The following CD86 variants were observed in gnomAD, a reference collection of about 807,000 sequenced individuals.
The protein encoded by CD86 is CD86 molecule.
Under a neutral mutation model 32.1 loss-of-function variants are expected in CD86, and 11 were observed. The observed-to-expected ratio is 0.34, with a 90% confidence interval of 0.22 to 0.57. CD86 has a LOEUF of 0.57. Ranked by LOEUF, CD86 falls within the 20% of genes least tolerant of loss-of-function variation. The pLI, the probability that CD86 is intolerant of heterozygous loss-of-function variation, is 0.86. For synonymous variants in CD86, 137 were observed against 135.3 expected, an observed-to-expected ratio of 1.01 and a Z score of -0.09; for missense variants, 359 against 398.4, an observed-to-expected ratio of 0.90 and a Z score of 0.84.
intron 2 of CD86, among the ~76,000 whole-genome samples, chr3:122,098,479 A>C (rs1426157083): frequency 1.3e-5 from 2 of 152,022 alleles, no homozygotes; most frequent in Admixed American, 1.3e-4. Context: ...GGTACTGGGG[A>C]CCCAATTACA....
intron 1 of CD86, among the ~76,000 whole-genome samples, chr3:122,090,599 T>TTCTCATGTTGGTC (rs11272713): frequency 0.02 from 3,072 of 152,244 alleles, 113 homozygotes; most frequent in African/African-American, 0.069. Context: ...TTCCACCTGT[T>TTCTCATGTTGGTC]TCTCATGTTG....
chr3:122,077,034 C>G (rs2072565212), intron 1 of CD86, among the ~76,000 whole-genome samples: 1 of 152,136 alleles, frequency 6.6e-6, no homozygotes, highest in Non-Finnish European at 1.5e-5. Flanking sequence ...TTAATGTCTC[C>G]TGCTTCACAG....
chr3:122,055,579 G>C, intron 1 of CD86, 76 bp downstream of exon 1: 1 of 1,312,796 alleles, frequency 7.6e-7, no homozygotes, highest in Non-Finnish European at 1.1e-6. Flanking sequence ...TGAAGATGGT[G>C]CTTTGATGTG....
chr3:122,062,192 T>C (rs2072348554), intron 1 of CD86, among the ~76,000 whole-genome samples: 1 of 152,158 alleles, frequency 6.6e-6, no homozygotes, highest in African/African-American at 2.4e-5. Context: ...ACAATTTATA[T>C]GGATTTTGGG....
Position 122,091,538 on chromosome 3 carries a change from G to C in CD86, c.15-63G>C. 2.3e-6 allele frequency: 3 copies of C among 1,321,908 alleles called. No homozygotes were observed. In the South Asian group the frequency reaches 3.5e-5, roughly 16 times the overall value. The allele number at this position is 1,321,908 out of a possible 1,614,324, so 81.9% of individuals were successfully genotyped here. A position where few individuals can be genotyped will look rare whatever the true frequency, so the allele number is the denominator to read the frequency against. ...AACTCCACGTCCAGGTCATGTTTTG[G>C]TGAACATCGGTTTTCAGTTTCCTTT... On this transcript the variant is annotated intron_variant, in intron 1 of 6. Transcript: ENST00000330540.
chr3:122,109,605 A>G (rs1307756697), intron 5 of CD86, among the ~76,000 whole-genome samples, 197 bp downstream of exon 5: 2 of 152,250 alleles, frequency 1.3e-5, no homozygotes, highest in Non-Finnish European at 2.9e-5. Context: ...GACTTCAAAG[A>G]AAGGCGACAT....
rs920408029 is a variant in CD86, at chr3:122,119,686, C to T, written c.*152C>T. 9.9e-6 allele frequency: 6 copies of T among 607,708 alleles called. No individual in the cohort carries two copies. The highest frequency in any genetic ancestry group is 2.9e-5 in the East Asian group (1 of 34,968). The allele number at this position is 607,708 out of a possible 1,614,324, so 37.6% of individuals were successfully genotyped here. A position where few individuals can be genotyped will look rare whatever the true frequency, so the allele number is the denominator to read the frequency against. On this transcript the variant is annotated 3_prime_UTR_variant, in exon 7 of 7. Transcript: ENST00000330540. ...ACTCCCTCTAAGTGGAATAGCCTCCCTGTAACTCCAGCTCTGCTCCGTATG... is the reference window on the plus strand; with the variant it reads ...ACTCCCTCTAAGTGGAATAGCCTCCTTGTAACTCCAGCTCTGCTCCGTATG...
chr3:122,073,003 C>G (rs1333335495), intron 1 of CD86, among the ~76,000 whole-genome samples: 1 of 151,802 alleles, frequency 6.6e-6, no homozygotes, highest in Non-Finnish European at 1.5e-5. Context: ...TTCCCCATTG[C>G]TTGTTTTTCT....
At chr3:122,055,565 A>G (rs2072221282) in intron 1 of CD86, 62 bp downstream of exon 1, 1 of 1,484,990 alleles carries the variant, frequency 6.7e-7, no homozygotes, top group East Asian at 2.3e-5. Context: ...TGAAAGGCTG[A>G]GGTTGAAGAT....
rs541158845 is a variant in CD86 at position 122,120,260 on chromosome 3, C to T, written c.*726C>T. The T allele has an allele frequency of 2.6e-5, 4 of 152,246 alleles. No homozygotes were observed. The South Asian group carries it at 6.3e-4, about 24-fold the overall frequency. 9.4% of individuals were successfully genotyped at this position (152,246 alleles called of 1,614,324 possible). ...CTAATATTGAGGAGGCTTGCCCCAC[C>T]CAACAAGCCATAGTGGAGAGAACTG... On this transcript the variant is annotated 3_prime_UTR_variant, in exon 7 of 7. Coordinates refer to ENST00000330540, the MANE Select transcript of CD86 (RefSeq NM_175862.5).
intron 5 of CD86, among the ~76,000 whole-genome samples, chr3:122,115,372 A>G (rs899637693): frequency 6.6e-6 from 1 of 152,180 alleles, no homozygotes; most frequent in Non-Finnish European, 1.5e-5. Context: ...AACCAAAATA[A>G]ATGGAGACAT....
chr3:122,078,692 C>T lies in CD86; in HGVS notation c.15-12909C>T, dbSNP rs187451016. On this transcript the variant is annotated intron_variant, in intron 1 of 6. Coordinates refer to ENST00000330540, the MANE Select transcript of CD86 (RefSeq NM_175862.5). ...ATAATGTGTTTCACATACGGTGAAC[C>T]TATTTGCATTTGCATTTGCAAACGG... Among the ~76,000 whole-genome samples, 36 of 152,336 alleles carry T rather than the reference C, an allele frequency of 2.4e-4. No homozygotes were observed. In the East Asian group the frequency reaches 4.6e-3, roughly 20 times the overall value.
intron 6 of CD86, among the ~76,000 whole-genome samples, chr3:122,118,837 G>T (rs1409750256): frequency 1.3e-5 from 2 of 152,316 alleles, no homozygotes; most frequent in East Asian, 3.9e-4. Flanking sequence ...GATGCATGAT[G>T]AATACATAAA....
chr3:122,085,858 G>A lies in CD86; in HGVS notation c.15-5743G>A, dbSNP rs553045911. Among the ~76,000 whole-genome samples the A allele has an allele frequency of 9.2e-5, 14 of 152,256 alleles. No homozygotes were observed. In the South Asian group the frequency reaches 2.5e-3, roughly 27 times the overall value. ...ACTCTCCTCTCAGCGAGCTGGTGACGTGCCAGTCCAGCAGGCCTGGCTTAT... is the reference window on the plus strand; with the variant it reads ...ACTCTCCTCTCAGCGAGCTGGTGACATGCCAGTCCAGCAGGCCTGGCTTAT... On this transcript the variant is annotated intron_variant, in intron 1 of 6. Transcript: ENST00000330540.
intron 1 of CD86, among the ~76,000 whole-genome samples, chr3:122,076,907 C>G (rs1371083359): frequency 6.6e-6 from 1 of 152,178 alleles, no homozygotes; most frequent in Non-Finnish European, 1.5e-5. Context: ...AGTGGTCAAG[C>G]CAGGACTGGA....
intron 1 of CD86, among the ~76,000 whole-genome samples, chr3:122,083,846 C>T (rs1044859264): frequency 6.6e-6 from 1 of 152,178 alleles, no homozygotes; most frequent in African/African-American, 2.4e-5. Context: ...ATTCTGATTA[C>T]ATGTTGAGAT....
intron 5 of CD86, among the ~76,000 whole-genome samples, chr3:122,115,863 A>G (rs1017101818): frequency 2.6e-5 from 4 of 152,062 alleles, no homozygotes; most frequent in African/African-American, 9.7e-5. Context: ...ATATCAGTCA[A>G]TGGAACAAAA....
At chr3:122,086,692 T>G in intron 1 of CD86, 3 of 446,634 alleles carry the variant, frequency 6.7e-6, no homozygotes, top group Non-Finnish European at 1.4e-5. Context: ...GAACAGCAGC[T>G]CAGGGCAGAA....
chr3:122,067,103 A>AT (rs1289861939), intron 1 of CD86, among the ~76,000 whole-genome samples: 2 of 152,166 alleles, frequency 1.3e-5, no homozygotes, highest in African/African-American at 4.8e-5. Context: ...GGAATAGTGA[A>AT]TGGTTCAAGT....
Sources: allele counts gnomAD v4.1 joint callset (sites outside exome capture counted in the v4.1 genomes callset), GRCh38; gene constraint gnomAD v4.1.1; transcripts MANE v1.5; gene names NCBI Gene and HGNC (gene_info 2026-07-23, HGNC 2026-07-21).